STT3B: variants seen among roughly 807,000 people sequenced by gnomAD.
STT3B encodes the protein dolichyl-diphosphooligosaccharide--protein glycosyltransferase subunit STT3B.
In STT3B, 29 loss-of-function variants were observed where a neutral mutation model predicts 96.8. The observed-to-expected ratio is 0.30, with a 90% confidence interval of 0.22 to 0.41. The LOEUF (loss-of-function observed/expected upper bound fraction) is 0.41. STT3B is among the 10% of genes least tolerant of loss of function. STT3B has a pLI of 1.00. For missense variants in STT3B, 640 were observed against 1,022.3 expected, an observed-to-expected ratio of 0.63 and a Z score of 5.10; for synonymous variants, 367 against 360.0, an observed-to-expected ratio of 1.02 and a Z score of -0.22.
intron 3 of STT3B, among the ~76,000 whole-genome samples, chr3:31,585,863 TACA>T (rs1434202536): frequency 6.6e-6 from 1 of 152,150 alleles, no homozygotes; most frequent in Non-Finnish European, 1.5e-5. Context: ...ATGGATGTAC[TACA>T]ATTTCTTTTC....
intron 2 of STT3B, among the ~76,000 whole-genome samples, chr3:31,577,851 G>T (rs909352445): frequency 6.6e-6 from 1 of 152,034 alleles, no homozygotes; most frequent in African/African-American, 2.4e-5. Flanking sequence ...TACCTAAATT[G>T]TATTACATTT....
chr3:31,569,625 TATA>T (rs1698090646), intron 1 of STT3B, among the ~76,000 whole-genome samples: 1 of 152,204 alleles, frequency 6.6e-6, no homozygotes, highest in African/African-American at 2.4e-5. Flanking sequence ...ATTCTTTTAT[TATA>T]GTTAAAATAG....
At chr3:31,614,169 A>G (rs1187913437) in intron 5 of STT3B, among the ~76,000 whole-genome samples, 1 of 152,000 alleles carries the variant, frequency 6.6e-6, no homozygotes, top group Non-Finnish European at 1.5e-5. Flanking sequence ...GGATACACAA[A>G]TACGTGTATT....
intron 13 of STT3B, among the ~76,000 whole-genome samples, chr3:31,627,665 T>C (rs1172886325): frequency 6.6e-6 from 1 of 152,218 alleles, no homozygotes; most frequent in African/African-American, 2.4e-5. Flanking sequence ...CAAATGTCAA[T>C]GCTGTAATGT....
At chr3:31,549,669 A>G (rs1218528976) in intron 1 of STT3B, among the ~76,000 whole-genome samples, 2 of 152,176 alleles carry the variant, frequency 1.3e-5, no homozygotes, top group Non-Finnish European at 2.9e-5. Context: ...AATCCTCTTT[A>G]TATAGTATAA....
chr3:31,553,434 T>TA (rs1575410757), intron 1 of STT3B, among the ~76,000 whole-genome samples: 1 of 152,108 alleles, frequency 6.6e-6, no homozygotes, highest in Admixed American at 6.5e-5. Flanking sequence ...TACTCAGCAG[T>TA]AAAAAAGAAT....
chr3:31,617,863 A>G, intron 7 of STT3B, 77 bp from the exon 8 acceptor site: 1 of 978,366 alleles, frequency 1.0e-6, no homozygotes, highest in South Asian at 1.3e-5. Flanking sequence ...TATAATTAGC[A>G]ATAAACATAA....
chr3:31,577,706 A>T (rs1220582828), intron 2 of STT3B, among the ~76,000 whole-genome samples: 2 of 152,100 alleles, frequency 1.3e-5, no homozygotes, highest in Non-Finnish European at 2.9e-5. Flanking sequence ...ATGTAAATAG[A>T]GAGAAAGACA....
At chr3:31,541,655 C>G (rs1697272558) in intron 1 of STT3B, among the ~76,000 whole-genome samples, 1 of 152,074 alleles carries the variant, frequency 6.6e-6, no homozygotes, top group Non-Finnish European at 1.5e-5. Context: ...CAGCTCACTG[C>G]AAGCTCCACC....
At chr3:31,546,466 G>T (rs1697415976) in intron 1 of STT3B, among the ~76,000 whole-genome samples, 1 of 152,158 alleles carries the variant, frequency 6.6e-6, no homozygotes, top group Non-Finnish European at 1.5e-5. Context: ...TTCTGAGAAA[G>T]AACATTTCAA....
chr3:31,608,075 T>C (rs1053610074), intron 5 of STT3B, among the ~76,000 whole-genome samples: 1 of 152,172 alleles, frequency 6.6e-6, no homozygotes, highest in African/African-American at 2.4e-5. Flanking sequence ...TAAAGTTTTA[T>C]CAAGACAAGA....
At chr3:31,588,616 T>C (rs1369982691) in intron 3 of STT3B, among the ~76,000 whole-genome samples, 7 of 152,110 alleles carry the variant, frequency 4.6e-5, no homozygotes. Flanking sequence ...AATGTAGATT[T>C]TTCCAGTGTT....
intron 3 of STT3B, among the ~76,000 whole-genome samples, chr3:31,585,110 A>G (rs1698506548): frequency 6.6e-6 from 1 of 152,140 alleles, no homozygotes; most frequent in African/African-American, 2.4e-5. Context: ...TTAAAAGATA[A>G]GTACTTTGTC....
intron 5 of STT3B, among the ~76,000 whole-genome samples, chr3:31,601,174 A>G (rs1361257486): frequency 6.6e-6 from 1 of 152,222 alleles, no homozygotes; most frequent in Non-Finnish European, 1.5e-5. Context: ...GATTCGTCAT[A>G]TGACCAAGCA....
chr3:31,635,121 T>G (rs1454720378), intron 15 of STT3B, among the ~76,000 whole-genome samples: 1 of 152,204 alleles, frequency 6.6e-6, no homozygotes, highest in East Asian at 1.9e-4. Flanking sequence ...ATGTGAAAAT[T>G]GAATTGAGTG....
chr3:31,634,981 G>T lies in STT3B; in HGVS notation c.2401-1003G>T, dbSNP rs546405400. Among the ~76,000 whole-genome samples the T allele has an allele frequency of 3.3e-5, 5 of 152,262 alleles. 1 individual carries two copies. The highest frequency in any genetic ancestry group is 1.9e-4 in the East Asian group (1 of 5,190). ...AGCTAATTTTTAGTACCTTAAGAAG[G>T]ATTGCATTTTGCCTTGTGTTCTCAT... On this transcript the variant is annotated intron_variant, in intron 15 of 15. Transcript: ENST00000295770.
chr3:31,589,229 T>C (rs912629513), intron 3 of STT3B, among the ~76,000 whole-genome samples: 3 of 152,094 alleles, frequency 2.0e-5, no homozygotes, highest in African/African-American at 7.2e-5. Context: ...ATTATGTTTT[T>C]AATTTTAAAT....
Position 31,600,222 on chromosome 3 carries a change from G to GT in STT3B, c.778-137dup, listed in dbSNP as rs1382881304. ...TGAGGAATACGTTCTTCATAGGTTA[G>GT]TAAGTTCTTATTTAAGCATTTCTCA... On this transcript the variant is annotated intron_variant, in intron 4 of 15. Coordinates refer to ENST00000295770, the MANE Select transcript of STT3B (RefSeq NM_178862.3). The GT allele has an allele frequency of 1.2e-5, 5 of 416,498 alleles. No homozygotes were observed. In the East Asian group the frequency reaches 1.7e-4, roughly 14 times the overall value. 25.8% of individuals were successfully genotyped at this position (416,498 alleles called of 1,614,324 possible). A position where few individuals can be genotyped will look rare whatever the true frequency, so the allele number is the denominator to read the frequency against.
chr3:31,609,015 C>T (rs545212230), intron 5 of STT3B, among the ~76,000 whole-genome samples: 1 of 151,888 alleles, frequency 6.6e-6, no homozygotes, highest in East Asian at 1.9e-4. Flanking sequence ...CTCAGGAGGC[C>T]GAGGCAGGAG....
Sources: gnomAD v4.1 joint callset for allele counts (sites outside exome capture counted in the v4.1 genomes callset) on GRCh38, gnomAD v4.1.1 for gene constraint, MANE v1.5 for transcripts, NCBI Gene and HGNC (gene_info 2026-07-23, HGNC 2026-07-21) for gene names.